Variants in DNPEP observed in about 807,000 individuals in gnomAD.
The protein encoded by DNPEP is aspartyl aminopeptidase.
A neutral mutation model predicts 59.1 loss-of-function variants in DNPEP; 46 were observed. The ratio of observed to expected loss-of-function variants is 0.78; its 90% confidence interval spans 0.61 to 0.99. The LOEUF (loss-of-function observed/expected upper bound fraction) is 0.99, where lower values mean the gene tolerates loss of function less well. DNPEP is among the 50% of genes least tolerant of loss of function. The probability of loss-of-function intolerance (pLI) is 0.00; values close to 1 mark genes in which losing one functional copy is unlikely to be tolerated. For missense variants in DNPEP, 617 were observed against 649.9 expected, an observed-to-expected ratio of 0.95 and a Z score of 0.55; for synonymous variants, 229 against 242.2, an observed-to-expected ratio of 0.95 and a Z score of 0.50.
In DNPEP at chr2:219,372,821, A is replaced by G. The variant is rs751433392; in HGVS notation, c.*1471T>C. Among the ~76,000 whole-genome samples, 2 of 152,192 alleles carry G rather than the reference A, an allele frequency of 1.3e-5. No individual in the cohort carries two copies. The highest frequency in any genetic ancestry group is 4.8e-5 in the African/African-American group (2 of 41,436). On this transcript the variant is annotated 3_prime_UTR_variant, in exon 15 of 15. Coordinates refer to ENST00000273075, the MANE Select transcript of DNPEP (RefSeq NM_012100.4). ...ACCTATAATGGACATTTCATAGTGT[A>G]TTTGGGCTTGCCTTTACTGAGAAAT...
chr2:219,399,504 C>T (rs1016871297), intron 1 of DNPEP: 2 of 480,762 alleles, frequency 4.2e-6, no homozygotes, highest in Non-Finnish European at 8.2e-6. Flanking sequence ...ACAGGTGCTG[C>T]AAGTAATTTT....
rs11674368 is a variant in DNPEP at position 219,372,247 on chromosome 2, C to A, written c.*2045G>T. Among the ~76,000 whole-genome samples the A allele has an allele frequency of 6.6e-6, 1 of 152,148 alleles. No individual in the cohort carries two copies. The highest frequency in any genetic ancestry group is 1.5e-5 in the Non-Finnish European group (1 of 68,048). ...ACAAAAGGAAACCATTACAAAAAGG[C>A]TAAGGCCCTTTTGTCACTCCCAACC... On this transcript the variant is annotated 3_prime_UTR_variant, in exon 15 of 15. Transcript: ENST00000273075.
At chr2:219,379,967 A>C (rs948635479) in intron 13 of DNPEP, among the ~76,000 whole-genome samples, 1 of 151,800 alleles carries the variant, frequency 6.6e-6, no homozygotes, top group Non-Finnish European at 1.5e-5. Context: ...AAGTTACAGT[A>C]AACTAATTTA....
Position 219,381,431 on chromosome 2 carries a change from G to A in DNPEP, c.1143C>T (p.Pro381=), listed in dbSNP as rs1465506902. ...GTTGCTTGCTGTTCACCTTGATCAC[G>A]GGGCCCTGGGGAGAGTCAAGGTGAG... The part of the protein sequence containing the change: ...ENHRPLFHKG[P]VIKVNSKQRY... Residue 381 remains proline, a synonymous_variant, in exon 13 of 15, where the codon CCC becomes CCT. Coordinates refer to ENST00000273075, the MANE Select transcript of DNPEP (RefSeq NM_012100.4). The A allele has an allele frequency of 1.2e-5, 19 of 1,614,082 alleles. No individual in the cohort carries two copies. The highest frequency in any genetic ancestry group is 6.6e-5 in the South Asian group (6 of 91,092).
At chr2:219,381,910 A>C in intron 11 of DNPEP, 69 bp downstream of exon 11, 1 of 1,572,492 alleles carries the variant, frequency 6.4e-7, no homozygotes, top group South Asian at 1.1e-5. Context: ...GCCAAGGCAG[A>C]GCCTCAAGGC....
At chr2:219,381,222 A>G (rs1574977690) in intron 13 of DNPEP, 113 bp downstream of exon 13, 2 of 880,788 alleles carry the variant, frequency 2.3e-6, no homozygotes, top group African/African-American at 3.3e-5. Flanking sequence ...CTCTACTGGG[A>G]CCCCCCTCCA....
Position 219,381,430 on chromosome 2 carries a change from C to A in DNPEP, c.1144G>T (p.Val382Leu). 6.2e-7 allele frequency: 1 copy of A among 1,614,212 alleles called. No homozygotes were observed. Among genetic ancestry groups the A allele is most frequent in the Non-Finnish European group, 8.5e-7 (1 of 1,180,038 alleles). ...NHRPLFHKGP[V>L]IKVNSKQRYA... Reference sequence around the variant, plus strand: ...CGTTGCTTGCTGTTCACCTTGATCACGGGGCCCTGGGGAGAGTCAAGGTGA... The same window carrying A: ...CGTTGCTTGCTGTTCACCTTGATCAAGGGGCCCTGGGGAGAGTCAAGGTGA... The change falls in exon 13 of 15, where the codon GTG (valine) becomes TTG (leucine). Residue 382 changes from valine to leucine, a missense_variant. Val to Leu is a conservative substitution (Grantham distance 32, BLOSUM62 1). Coordinates refer to ENST00000273075, the MANE Select transcript of DNPEP (RefSeq NM_012100.4).
chr2:219,377,739 C>T (rs192382344), intron 13 of DNPEP, among the ~76,000 whole-genome samples: 6 of 152,130 alleles, frequency 3.9e-5, no homozygotes, highest in African/African-American at 1.4e-4. Flanking sequence ...GCCTGGGCAA[C>T]ATAGCAAGAA....
upstream of DNPEP, among the ~76,000 whole-genome samples, chr2:219,393,118 C>T (rs1249609287): frequency 6.6e-6 from 1 of 152,100 alleles, no homozygotes; most frequent in Non-Finnish European, 1.5e-5. Flanking sequence ...TAGTCTTGGG[C>T]CACAAATAAA....
At chr2:219,398,398 C>G (rs976256330) in intron 1 of DNPEP, among the ~76,000 whole-genome samples, 1 of 152,196 alleles carries the variant, frequency 6.6e-6, no homozygotes, top group African/African-American at 2.4e-5. Flanking sequence ...GCCTGTAATC[C>G]CAGCACTCTG....
At chr2:219,392,802 G>T (rs1191875917), upstream of DNPEP, among the ~76,000 whole-genome samples, 1 of 152,142 alleles carries the variant, frequency 6.6e-6, no homozygotes, top group Non-Finnish European at 1.5e-5. Flanking sequence ...GAACCACCGC[G>T]TCCAGCCTAG....
At position 219,380,777 on chromosome 2, in the gene DNPEP, T is replaced by C. The variant is rs921966363; in HGVS notation, c.1239+558A>G. Among the ~76,000 whole-genome samples, 50 of 151,536 alleles carry C rather than the reference T, an allele frequency of 3.3e-4. 1 individual carries two copies. Among genetic ancestry groups the C allele is most frequent in the Non-Finnish European group, 1.0e-4 (7 of 67,904 alleles). Reference sequence around the variant, plus strand: ...TAAGCAATGCATGACAGTATATATGTGTGTATATGTGTATACACAATACTG... The same window carrying C: ...TAAGCAATGCATGACAGTATATATGCGTGTATATGTGTATACACAATACTG... On this transcript the variant is annotated intron_variant, in intron 13 of 14. Coordinates refer to ENST00000273075, the MANE Select transcript of DNPEP (RefSeq NM_012100.4).
chr2:219,376,207 G>C (rs1953364059), intron 13 of DNPEP, among the ~76,000 whole-genome samples: 1 of 152,176 alleles, frequency 6.6e-6, no homozygotes, highest in Non-Finnish European at 1.5e-5. Context: ...GGAAAAGCAG[G>C]CCAGGTGTGC....
chr2:219,391,134 ATT>A (rs1954009892), upstream of DNPEP, among the ~76,000 whole-genome samples: 1 of 152,214 alleles, frequency 6.6e-6, no homozygotes. Flanking sequence ...TGTTTGACAC[ATT>A]GTTTCCCTAT....
At chr2:219,395,250 C>T (rs879846521) in intron 1 of DNPEP, among the ~76,000 whole-genome samples, 4 of 152,048 alleles carry the variant, frequency 2.6e-5, no homozygotes, top group African/African-American at 7.2e-5. Context: ...GCCCGGCCGA[C>T]GTGGGGTCTA....
At chr2:219,376,452 C>T (rs1466051699) in intron 13 of DNPEP, among the ~76,000 whole-genome samples, 1 of 148,252 alleles carries the variant, frequency 6.7e-6, no homozygotes, top group East Asian at 2.0e-4. Context: ...TGCGACACTA[C>T]ACTCCAGCCT....
Position 219,386,040 on chromosome 2 carries a change from C to A in DNPEP, c.518G>T (p.Arg173Leu). 1 of 1,614,124 alleles carries A rather than the reference C, an allele frequency of 6.2e-7. No homozygotes were observed. Among genetic ancestry groups the A allele is most frequent in the Non-Finnish European group, 8.5e-7 (1 of 1,180,026 alleles). ...CAGATGGATGGCCAGGTGTGGGATG[C>A]GAAGAATGGGCCGCTCCACGTGCAC... is the stretch of plus-strand genomic sequence containing the variant. ...QLVHVERPILRIPHLAIHLQR... is the reference protein window; with the variant it reads ...QLVHVERPILLIPHLAIHLQR... Residue 173 changes from arginine to leucine, a missense_variant, in exon 6 of 15, where the codon CGC (arginine) becomes CTC (leucine). Coordinates refer to ENST00000273075, the MANE Select transcript of DNPEP (RefSeq NM_012100.4).
At chr2:219,376,611 T>C (rs1367392472) in intron 13 of DNPEP, among the ~76,000 whole-genome samples, 1 of 152,100 alleles carries the variant, frequency 6.6e-6, no homozygotes, top group Non-Finnish European at 1.5e-5. Flanking sequence ...TGCTTTCCAA[T>C]CAATAGGAAT....
upstream of DNPEP, among the ~76,000 whole-genome samples, chr2:219,389,392 T>C (rs1202307435): frequency 6.8e-6 from 1 of 148,046 alleles, no homozygotes; most frequent in Non-Finnish European, 1.5e-5. Flanking sequence ...ATACCTGGGG[T>C]GGGGAGTGAC....
Sources: allele counts gnomAD v4.1 joint callset (sites outside exome capture counted in the v4.1 genomes callset), GRCh38; gene constraint gnomAD v4.1.1; transcripts MANE v1.5; gene names NCBI Gene and HGNC (gene_info 2026-07-23, HGNC 2026-07-21).